PTPRM: variants seen among roughly 807,000 people sequenced by gnomAD.
The protein encoded by PTPRM is receptor-type tyrosine-protein phosphatase mu.
PTPRM carries 47 observed loss-of-function variants against 186.7 expected under a neutral mutation model. The observed-to-expected ratio is 0.25, with a 90% CI of 0.20 to 0.32. The LOEUF is 0.32. PTPRM is among the 10% of genes least tolerant of loss of function. PTPRM has a pLI of 1.00. For missense variants in PTPRM, 1,494 were observed against 1,865.0 expected (o/e 0.80, Z 3.66); for synonymous variants, 668 against 674.9 (o/e 0.99, Z 0.16).
chr18:8,152,520 A>G (rs138681653), intron 14 of PTPRM, among the ~76,000 whole-genome samples: 3 of 152,048 alleles, frequency 2.0e-5, no homozygotes, highest in African/African-American at 4.8e-5. Context: ...CCCACTTGTC[A>G]TGTGCCGTTT....
intron 5 of PTPRM, among the ~76,000 whole-genome samples, chr18:7,931,004 G>A (rs149298096): frequency 5.9e-5 from 9 of 151,866 alleles, no homozygotes; most frequent in South Asian, 4.2e-4. Context: ...GTGTGTGAGC[G>A]CATCCATTGT....
At chr18:8,036,118 G>A (rs2148115179) in intron 7 of PTPRM, among the ~76,000 whole-genome samples, 1 of 152,316 alleles carries the variant, frequency 6.6e-6, no homozygotes, top group East Asian at 1.9e-4. Context: ...TGGTTACTGT[G>A]AGAAAGGAAG....
At chr18:7,575,302 G>A (rs12607360) in intron 1 of PTPRM, among the ~76,000 whole-genome samples, 10,918 of 152,210 alleles carry the variant, frequency 0.072, 647 homozygotes, top group African/African-American at 0.15. Flanking sequence ...TGATCACTAG[G>A]TGTAGCTGCG....
intron 23 of PTPRM, among the ~76,000 whole-genome samples, chr18:8,348,915 G>A (rs2095519745): frequency 6.6e-6 from 1 of 152,178 alleles, no homozygotes; most frequent in African/African-American, 2.4e-5. Context: ...GGAGCTGAGA[G>A]AAGTGGGGAC....
chr18:8,235,151 G>A (rs2094329625), intron 14 of PTPRM, among the ~76,000 whole-genome samples: 1 of 152,106 alleles, frequency 6.6e-6, no homozygotes, highest in East Asian at 1.9e-4. Context: ...TAGAGAATTG[G>A]TATGATTGCC....
intron 14 of PTPRM, chr18:8,155,060 A>G (rs1261548248): frequency 2.6e-5 from 4 of 152,236 alleles, no homozygotes; most frequent in Non-Finnish European, 4.4e-5. Flanking sequence ...AATGTTTTAT[A>G]CAGAACCACG....
At chr18:8,376,749 T>TC in intron 26 of PTPRM, 152 bp downstream of exon 26, 1 of 678,304 alleles carries the variant, frequency 1.5e-6, no homozygotes, top group Non-Finnish European at 2.1e-6. Flanking sequence ...CTCCCTCCCT[T>TC]CCCCCTTTTT....
At chr18:8,261,077 C>T (rs898117087) in intron 19 of PTPRM, among the ~76,000 whole-genome samples, 1 of 152,218 alleles carries the variant, frequency 6.6e-6, no homozygotes. Flanking sequence ...AGAGGCGCCC[C>T]TTCCCTCACC....
rs564518516 is a variant in PTPRM, at chr18:7,700,935, C to T, written c.74-73214C>T. The stretch of plus-strand genomic sequence containing the variant: ...GAGGTTGCAGTGAGCTGAGATCGCA[C>T]CACTGCACTCCAGCCTGGCAACAGA... On this transcript the variant is annotated intron_variant, in intron 1 of 32. Transcript: ENST00000580170. Among the ~76,000 whole-genome samples the T allele has an allele frequency of 5.6e-5, 8 of 142,572 alleles. No homozygotes were observed. In the South Asian group the frequency reaches 1.8e-3, roughly 32 times the overall value. The allele number at this position is 142,572 out of a possible 152,430, so 93.5% of individuals were successfully genotyped here. A position where few individuals can be genotyped will look rare whatever the true frequency, so the allele number is the denominator to read the frequency against.
In PTPRM at chr18:7,567,756, C is replaced by A. The variant is rs1403532989; in HGVS notation, c.-63C>A. 2.1e-6 allele frequency: 3 copies of A among 1,424,808 alleles called. No homozygotes were observed. The highest frequency in any genetic ancestry group is 2.6e-5 in the Admixed American group (1 of 38,498). The allele number at this position is 1,424,808 out of a possible 1,614,324, so 88.3% of individuals were successfully genotyped here. On this transcript the variant is annotated 5_prime_UTR_variant, in exon 1 of 33. Coordinates refer to ENST00000580170, the MANE Select transcript of PTPRM (RefSeq NM_001105244.2). The surrounding 1 kb of genome is among the most constrained non-coding windows in gnomAD (Gnocchi z 4.3). ...CTGCCTCGGAACCAAAGCTCCCGGC[C>A]CCCTCCGCCCTCGCGCGCCCACCCA...
intron 31 of PTPRM, among the ~76,000 whole-genome samples, chr18:8,392,489 T>C (rs1002233824): frequency 6.6e-6 from 1 of 151,936 alleles, no homozygotes; most frequent in Non-Finnish European, 1.5e-5. Context: ...TAGCCGGGCA[T>C]GGTGGCAGGT....
chr18:7,797,678 G>A (rs893228277), intron 2 of PTPRM, among the ~76,000 whole-genome samples: 2 of 151,898 alleles, frequency 1.3e-5, no homozygotes, highest in Non-Finnish European at 2.9e-5. Context: ...TGGGAAAGCA[G>A]CACCCAGGAG....
chr18:7,922,669 A>G (rs1223061582), intron 4 of PTPRM, among the ~76,000 whole-genome samples: 2 of 152,102 alleles, frequency 1.3e-5, no homozygotes, highest in African/African-American at 4.8e-5. Flanking sequence ...TGCTGGTGAT[A>G]ATCTCTGTGC....
chr18:7,974,637 C>G lies in PTPRM; in HGVS notation c.1132+19223C>G, dbSNP rs181187587. Among the ~76,000 whole-genome samples, 14 of 152,270 alleles carry G rather than the reference C, an allele frequency of 9.2e-5. No homozygotes were observed. In the East Asian group the frequency reaches 2.5e-3, roughly 27 times the overall value. On this transcript the variant is annotated intron_variant, in intron 7 of 32. Transcript: ENST00000580170. ...AGTAATCTTCCCAGGGACATGGGCT[C>G]TTTCCAAATCTCTGATCTATTGGCC...
chr18:8,157,381 G>A (rs890912158), intron 14 of PTPRM, among the ~76,000 whole-genome samples: 21 of 152,164 alleles, frequency 1.4e-4, no homozygotes, highest in South Asian at 2.1e-4. Flanking sequence ...CTTTGTGTCC[G>A]GACATGGGAG....
At chr18:8,157,249 G>A (rs11874504) in intron 14 of PTPRM, among the ~76,000 whole-genome samples, 9,679 of 152,228 alleles carry the variant, frequency 0.064, 771 homozygotes, top group African/African-American at 0.19. Flanking sequence ...AAAACAAGTT[G>A]ATACCTTTAA....
At chr18:8,245,819 A>AGGG (rs1240791579) in intron 15 of PTPRM, among the ~76,000 whole-genome samples, 1 of 152,242 alleles carries the variant, frequency 6.6e-6, no homozygotes, top group Non-Finnish European at 1.5e-5. Context: ...AATCTTCTTT[A>AGGG]GTAGTTCTAG....
chr18:7,853,810 A>G (rs909081730), intron 2 of PTPRM, among the ~76,000 whole-genome samples: 1 of 152,176 alleles, frequency 6.6e-6, no homozygotes, highest in African/African-American at 2.4e-5. Flanking sequence ...AACAGCTTCA[A>G]TCAGGGAGCA....
intron 7 of PTPRM, among the ~76,000 whole-genome samples, chr18:7,991,636 A>G (rs2083274723): frequency 6.6e-6 from 1 of 152,176 alleles, no homozygotes; most frequent in Non-Finnish European, 1.5e-5. Context: ...TAGCAACCCA[A>G]TCTAGCAACT....
Sources: gnomAD v4.1 joint callset for allele counts (sites outside exome capture counted in the v4.1 genomes callset) on GRCh38, gnomAD v4.1.1 for gene constraint, Gnocchi (gnomAD v3.1) non-coding constraint, MANE v1.5 for transcripts, NCBI Gene and HGNC (gene_info 2026-07-23, HGNC 2026-07-21) for gene names.